The following SLC16A9 variants were observed in gnomAD, a reference collection of about 807,000 sequenced individuals.
The protein encoded by SLC16A9 is solute carrier family 16 member 9.
In SLC16A9, 26 loss-of-function variants were observed where a neutral mutation model predicts 44.3. The ratio of observed to expected loss-of-function variants is 0.59; its 90% CI spans 0.43 to 0.81. The LOEUF (loss-of-function observed/expected upper bound fraction) is 0.81. SLC16A9 is among the 40% of genes least tolerant of loss of function. The pLI, the probability that SLC16A9 is intolerant of heterozygous loss-of-function variation, is 0.00. For missense variants in SLC16A9, 559 were observed against 595.8 expected, an observed-to-expected ratio of 0.94 and a Z score of 0.64; for synonymous variants, 230 against 225.1, an observed-to-expected ratio of 1.02 and a Z score of -0.19.
intron 4 of SLC16A9, among the ~76,000 whole-genome samples, chr10:59,659,064 A>C (rs1019818973): frequency 9.9e-5 from 15 of 152,198 alleles, no homozygotes; most frequent in Non-Finnish European, 1.8e-4. Context: ...GGCCACATAA[A>C]TTTTGATAAG....
At chr10:59,706,653 A>AC (rs1564716471) in intron 1 of SLC16A9, among the ~76,000 whole-genome samples, 3 of 151,900 alleles carry the variant, frequency 2.0e-5, no homozygotes, top group African/African-American at 4.8e-5. Context: ...ACACACACAC[A>AC]ATAGGAGACT....
rs1272442246 is a variant in SLC16A9, at chr10:59,676,880, G to A, written c.197-3967C>T. 2.1e-5 allele frequency among the ~76,000 whole-genome samples: 3 copies of A among 145,356 alleles called. No homozygotes were observed. In the East Asian group the frequency reaches 6.0e-4, roughly 29 times the overall value. ...GGAGGTTGCAGTGAGCTGGGATCAC[G>A]CCACTGTGCTCCAGCCTGGGCAATG... On this transcript the variant is annotated intron_variant, in intron 2 of 5. Transcript: ENST00000395348.
intron 5 of SLC16A9, 71 bp downstream of exon 5, chr10:59,653,600 AATCT>A: frequency 1.6e-6 from 2 of 1,274,068 alleles, no homozygotes; most frequent in Non-Finnish European, 1.1e-6. Flanking sequence ...CTACTATTAC[AATCT>A]GGACCTCTAT....
chr10:59,654,296 T>C lies in SLC16A9; in HGVS notation c.730A>G (p.Asn244Asp). The C allele has an allele frequency of 6.2e-7, 1 of 1,614,226 alleles. No homozygotes were observed. The highest frequency in any genetic ancestry group is 8.5e-7 in the Non-Finnish European group (1 of 1,180,038). ...AGGCTGTCTTGTTTCCAGTCACCAT[T>C]GGCTAACGTGATCCTGCATTTTTCC... ...SEEKCRITLA[N>D]GDWKQDSLLH... The change falls in exon 5 of 6, where the codon AAT (asparagine) becomes GAT (aspartate). Residue 244 changes from asparagine (N) to aspartate (D), a missense_variant. Asn to Asp is a conservative substitution (Grantham distance 23, BLOSUM62 1). Transcript: ENST00000395348.
chr10:59,697,976 A>AAAC (rs1554874649), intron 1 of SLC16A9, among the ~76,000 whole-genome samples: 23 of 150,318 alleles, frequency 1.5e-4, no homozygotes, highest in East Asian at 1.9e-4. Flanking sequence ...AAAAAAAACA[A>AAAC]AAAACAAAAC....
chr10:59,684,364 G>A, intron 1 of SLC16A9, 37 bp from the exon 2 acceptor site: 2 of 1,321,694 alleles, frequency 1.5e-6, no homozygotes, highest in Admixed American at 2.0e-5. Flanking sequence ...ATCTTATTTA[G>A]AGTGTGGTAG....
intron 1 of SLC16A9, among the ~76,000 whole-genome samples, chr10:59,700,540 G>A (rs1362086173): frequency 1.3e-5 from 2 of 152,334 alleles, no homozygotes; most frequent in South Asian, 4.1e-4. Context: ...CATGTTTCTA[G>A]TAACCATCCA....
chr10:59,657,679 A>G (rs902471462), intron 4 of SLC16A9, among the ~76,000 whole-genome samples: 1 of 152,220 alleles, frequency 6.6e-6, no homozygotes, highest in Non-Finnish European at 1.5e-5. Flanking sequence ...CCTTCAACAC[A>G]AATACATTTG....
chr10:59,707,535 A>G (rs1840672144), intron 1 of SLC16A9, among the ~76,000 whole-genome samples: 2 of 150,444 alleles, frequency 1.3e-5, no homozygotes, highest in Admixed American at 1.3e-4. Flanking sequence ...CACTATAGTC[A>G]CAATTTTGAA....
chr10:59,692,132 G>A (rs539512640), intron 1 of SLC16A9, among the ~76,000 whole-genome samples: 6 of 152,274 alleles, frequency 3.9e-5, no homozygotes, highest in Admixed American at 3.9e-4. Context: ...ATCACTACCG[G>A]ATTGTCTGGT....
chr10:59,699,111 C>T (rs1031651195), intron 1 of SLC16A9, among the ~76,000 whole-genome samples: 10 of 152,278 alleles, frequency 6.6e-5, no homozygotes, highest in Admixed American at 5.2e-4. Context: ...CTGCTTTATC[C>T]GCAGTCCCCA....
chr10:59,674,628 A>G (rs949818903), intron 2 of SLC16A9, among the ~76,000 whole-genome samples: 6 of 152,250 alleles, frequency 3.9e-5, no homozygotes, highest in Non-Finnish European at 7.3e-5. Context: ...TTAAGAGTCT[A>G]ATTTTACAAA....
chr10:59,685,980 T>TC (rs1162350242), intron 1 of SLC16A9, among the ~76,000 whole-genome samples: 26 of 141,722 alleles, frequency 1.8e-4, no homozygotes, highest in Non-Finnish European at 2.6e-4. Context: ...TTTCTTTCTT[T>TC]TTTTTTTTTT....
rs1402388890 is a variant in SLC16A9, at chr10:59,652,903, T to A, written c.1399A>T (p.Ser467Cys). The A allele has an allele frequency of 1.2e-6, 2 of 1,613,550 alleles. No homozygotes were observed. Among genetic ancestry groups the A allele is most frequent in the East Asian group, 4.5e-5 (2 of 44,856 alleles). ...TQTYDIAFYF[S>C]GFCVLLGGFI... ...CCTCCCAGCAGGACGCAGAAGCCACTAAAATAAAATGCAATATCATAGGTC... is the reference window on the plus strand; with the variant it reads ...CCTCCCAGCAGGACGCAGAAGCCACAAAAATAAAATGCAATATCATAGGTC... Residue 467 changes from serine to cysteine, a missense_variant, in exon 6 of 6, where the codon AGT (serine) becomes TGT (cysteine). Ser to Cys is a moderately radical substitution (Grantham distance 112). Transcript: ENST00000395348.
At position 59,664,331 on chromosome 10, in the gene SLC16A9, G is replaced by T; in HGVS notation, c.341-9C>A. ...TAAACCACATCCAAGACCTAAGCAT[G>T]AGAAGACATTGCATAAATTAAGACG... On this transcript the variant is annotated splice_polypyrimidine_tract_variant and intron_variant, in intron 3 of 5. Transcript: ENST00000395348. 2 of 1,584,932 alleles carry T rather than the reference G, an allele frequency of 1.3e-6. No individual in the cohort carries two copies. Among genetic ancestry groups the T allele is most frequent in the South Asian group, 2.3e-5 (2 of 88,456 alleles).
In SLC16A9 at chr10:59,653,767, G is replaced by A. The variant is rs763413709; in HGVS notation, c.1259C>T (p.Thr420Met). 7 of 1,613,976 alleles carry A rather than the reference G, an allele frequency of 4.3e-6. No homozygotes were observed. The highest frequency in any genetic ancestry group is 5.9e-6 in the Non-Finnish European group (7 of 1,179,964). Reference sequence around the variant, plus strand: ...TAATTTTTCAATTCCCACAGTCTTCGTGGTCACATATGGAAAGATGGACCA... The same window carrying A: ...TAATTTTTCAATTCCCACAGTCTTCATGGTCACATATGGAAAGATGGACCA... ...GNWSIFPYVT[T>M]KTVGIEKLAH... Residue 420 changes from threonine to methionine, a missense_variant, in exon 5 of 6, where the codon ACG becomes ATG. Physicochemically the swap from Thr to Met is moderately conservative, Grantham distance 81 (BLOSUM62 -1). Coordinates refer to ENST00000395348, the MANE Select transcript of SLC16A9 (RefSeq NM_194298.3).
At chr10:59,662,506 G>T (rs562985977) in intron 4 of SLC16A9, among the ~76,000 whole-genome samples, 4 of 151,116 alleles carry the variant, frequency 2.6e-5, no homozygotes, top group African/African-American at 9.7e-5. Context: ...GTGGTGGCAG[G>T]CACCTGTAAT....
chr10:59,690,887 C>T lies in SLC16A9; in HGVS notation c.-36-6560G>A, dbSNP rs186534841. On this transcript the variant is annotated intron_variant, in intron 1 of 5. Coordinates refer to ENST00000395348, the MANE Select transcript of SLC16A9 (RefSeq NM_194298.3). ...TCACCTGAGGTCAGGAGTTCCAGACCAGCCTGGCCAACATGGCAAAACCCC... is the reference window on the plus strand; with the variant it reads ...TCACCTGAGGTCAGGAGTTCCAGACTAGCCTGGCCAACATGGCAAAACCCC... Among the ~76,000 whole-genome samples, 1,372 of 151,984 alleles carry T rather than the reference C, an allele frequency of 9.0e-3. 17 individuals are homozygous for T. The highest frequency in any genetic ancestry group is 0.028 in the African/African-American group (1,153 of 41,460).
rs770850598 is a variant in SLC16A9, at chr10:59,672,891, G to A, written c.219C>T (p.Val73=). ...TGACAGGTCTTGCTCCAAAAGATGA[G>A]ACACAGAGACTGCAGACAGGACCTA... is the stretch of plus-strand genomic sequence containing the variant. ...LLASPVCSLC[V]SSFGARPVTI... Residue 73 remains valine (V), a synonymous_variant, in exon 3 of 6, where the codon GTC becomes GTT. Coordinates refer to ENST00000395348, the MANE Select transcript of SLC16A9 (RefSeq NM_194298.3). 2.5e-6 allele frequency: 4 copies of A among 1,612,796 alleles called. No individual in the cohort carries two copies. Among genetic ancestry groups the A allele is most frequent in the Non-Finnish European group, 3.4e-6 (4 of 1,179,512 alleles).
Sources: gnomAD v4.1 joint callset for allele counts (sites outside exome capture counted in the v4.1 genomes callset) on GRCh38, gnomAD v4.1.1 for gene constraint, MANE v1.5 for transcripts, NCBI Gene and HGNC (gene_info 2026-07-23, HGNC 2026-07-21) for gene names.